PLA2G4C: variants seen among roughly 807,000 people sequenced by gnomAD.
The protein encoded by PLA2G4C is phospholipase A2 group IVC.
Under a neutral mutation model 73.8 loss-of-function variants are expected in PLA2G4C, and 64 were observed. The ratio of observed to expected loss-of-function variants is 0.87; its 90% CI spans 0.71 to 1.07. The LOEUF is 1.07. Among genes scored for constraint, PLA2G4C ranks in the 50% least tolerant of loss-of-function variants. The pLI is 0.00. For missense variants in PLA2G4C, 622 were observed against 665.4 expected (o/e 0.93, Z 0.72); for synonymous variants, 254 against 252.1 (o/e 1.01, Z -0.07).
At chr19:48,068,327 T>TCG (rs141831935) in intron 12 of PLA2G4C, among the ~76,000 whole-genome samples, 3 of 99,402 alleles carry the variant, frequency 3.0e-5, no homozygotes, top group African/African-American at 1.2e-4. Flanking sequence ...AAAAAAAAAG[T>TCG]GGGGGGGTCA....
At chr19:48,083,487 G>T in intron 10 of PLA2G4C, among the ~76,000 whole-genome samples, 3 of 99,690 alleles carry the variant, frequency 3.0e-5, no homozygotes, top group South Asian at 3.3e-4. Flanking sequence ...CACTCTTGTT[G>T]CCCAGGCTGG....
chr19:48,074,712 G>A (rs367721101), intron 12 of PLA2G4C, 55 bp downstream of exon 12: 45 of 1,191,822 alleles, frequency 3.8e-5, no homozygotes, highest in East Asian at 3.7e-4. Context: ...GCAAGAGGGG[G>A]GAGAAGGTTG....
chr19:48,078,490 C>G (rs2030318008), intron 10 of PLA2G4C, among the ~76,000 whole-genome samples: 1 of 152,106 alleles, frequency 6.6e-6, no homozygotes, highest in African/African-American at 2.4e-5. Context: ...CCAAAAAGCT[C>G]CTAGGTCTGA....
At chr19:48,079,348 G>C (rs1398914823) in intron 10 of PLA2G4C, among the ~76,000 whole-genome samples, 1 of 152,132 alleles carries the variant, frequency 6.6e-6, no homozygotes, top group Non-Finnish European at 1.5e-5. Context: ...ACAGAATAGA[G>C]AGCCCAGAAA....
chr19:48,095,362 C>A (rs1568447721), intron 7 of PLA2G4C, 102 bp downstream of exon 7: 2 of 1,105,150 alleles, frequency 1.8e-6, no homozygotes, highest in Admixed American at 2.1e-5. Flanking sequence ...TTCTTTCCCC[C>A]AAGAAATTTA....
intron 2 of PLA2G4C, 67 bp from the exon 3 acceptor site, chr19:48,105,511 G>T: frequency 7.9e-7 from 1 of 1,272,624 alleles, no homozygotes; most frequent in Non-Finnish European, 1.1e-6. Context: ...CACAGAATTT[G>T]ACCTAGAACT....
At chr19:48,052,763 T>C (rs1967773560) in intron 16 of PLA2G4C, among the ~76,000 whole-genome samples, 1 of 152,144 alleles carries the variant, frequency 6.6e-6, no homozygotes, top group Non-Finnish European at 1.5e-5. Flanking sequence ...CAGCTAGTGG[T>C]ATTTTGTTAC....
intron 13 of PLA2G4C, among the ~76,000 whole-genome samples, chr19:48,065,968 C>G (rs1401287689): frequency 6.6e-6 from 1 of 152,016 alleles, no homozygotes; most frequent in East Asian, 1.9e-4. Context: ...TGGCGCATGC[C>G]TGTAATCCCA....
At position 48,110,492 on chromosome 19, in the gene PLA2G4C, C is replaced by T. The variant is rs1412390549; in HGVS notation, c.-38G>A. 19 of 1,470,674 alleles carry T rather than the reference C, an allele frequency of 1.3e-5. No homozygotes were observed. The highest frequency in any genetic ancestry group is 1.6e-5 in the Non-Finnish European group (18 of 1,126,960). 91.1% of individuals were successfully genotyped at this position (1,470,674 alleles called of 1,614,324 possible). A position where few individuals can be genotyped will look rare whatever the true frequency, so the allele number is the denominator to read the frequency against. Reference sequence around the variant, plus strand: ...TCCCTGCCCCCACGGCTTGCCTGAGCCTGGGTCTGGGGCGTGTGCGCATGC... The same window carrying T: ...TCCCTGCCCCCACGGCTTGCCTGAGTCTGGGTCTGGGGCGTGTGCGCATGC... On this transcript the variant is annotated 5_prime_UTR_variant, in exon 1 of 17. Coordinates refer to ENST00000599921, the MANE Select transcript of PLA2G4C (RefSeq NM_003706.3).
At position 48,104,853 on chromosome 19, in the gene PLA2G4C, C is replaced by A; in HGVS notation, c.121-129G>T. 3.7e-6 allele frequency: 3 copies of A among 817,126 alleles called. No homozygotes were observed. In the South Asian group the frequency reaches 5.3e-5, roughly 14 times the overall value. 50.6% of individuals were successfully genotyped at this position (817,126 alleles called of 1,614,324 possible). On this transcript the variant is annotated intron_variant, in intron 3 of 16. Coordinates refer to ENST00000599921, the MANE Select transcript of PLA2G4C (RefSeq NM_003706.3). ...ATCCCAGCACATTGGGAGGCCGAGG[C>A]AGGTGGATCACTTGAGGTCAGGAGT...
chr19:48,077,823 G>A lies in PLA2G4C; in HGVS notation c.846C>T (p.Ala282=). 8.1e-6 allele frequency: 13 copies of A among 1,605,412 alleles called. No homozygotes were observed. The highest frequency in any genetic ancestry group is 1.1e-5 in the Non-Finnish European group (13 of 1,176,182). ...NAKSIGHLIF[A]RLLRLQESSQ... Reference sequence around the variant, plus strand: ...AACTTTCTTGCAGCCTCAGTAATCGGGCTGCAAAAGAGCAGAGGCAGGGGG... The same window carrying A: ...AACTTTCTTGCAGCCTCAGTAATCGAGCTGCAAAAGAGCAGAGGCAGGGGG... The change falls in exon 11 of 17, where the codon GCC becomes GCT. Residue 282 remains alanine, a splice_region_variant and synonymous_variant. Coordinates refer to ENST00000599921, the MANE Select transcript of PLA2G4C (RefSeq NM_003706.3).
At position 48,095,497 on chromosome 19, in the gene PLA2G4C, T is replaced by A. The variant is rs11564541; in HGVS notation, c.676A>T (p.Thr226Ser). 6.3e-5 allele frequency: 101 copies of A among 1,613,824 alleles called. No individual in the cohort carries two copies. The highest frequency in any genetic ancestry group is 8.1e-5 in the Non-Finnish European group (95 of 1,179,994). Residue 226 changes from threonine to serine, a missense_variant, in exon 7 of 17, where the codon ACT becomes TCT. Transcript: ENST00000599921. ...SKFKKGRLVR[T>S]HPERDLTFLR... is the part of the protein sequence containing the mutation. Reference sequence around the variant, plus strand: ...AAAGTCAGGTCTCTCTCAGGGTGAGTTCTGACCAGTCTTCCCTTCTTGAAT... The same window carrying A: ...AAAGTCAGGTCTCTCTCAGGGTGAGATCTGACCAGTCTTCCCTTCTTGAAT...
intron 9 of PLA2G4C, among the ~76,000 whole-genome samples, chr19:48,088,055 A>G (rs7256160): frequency 0.051 from 7,826 of 152,168 alleles, 299 homozygotes; most frequent in African/African-American, 0.098. Context: ...TTTGGCCACA[A>G]TCACTTCCTA....
intron 16 of PLA2G4C, among the ~76,000 whole-genome samples, 156 bp from the exon 17 acceptor site, chr19:48,048,544 CCA>C (rs1967606371): frequency 6.6e-6 from 1 of 152,180 alleles, no homozygotes; most frequent in Non-Finnish European, 1.5e-5. Context: ...ACCTGGAGCT[CCA>C]CCACCTCCTC....
At position 48,105,345 on chromosome 19, in the gene PLA2G4C, A is replaced by C. The variant is rs773027596; in HGVS notation, c.108T>G (p.Ile36Met). Residue 36 changes from isoleucine to methionine, a missense_variant, in exon 3 of 17, where the codon ATT becomes ATG. Coordinates refer to ENST00000599921, the MANE Select transcript of PLA2G4C (RefSeq NM_003706.3). The part of the protein sequence containing the change: ...HVLKALKKLR[I>M]EADEAPVVAV... ...TCCCCTCACTTACCTCATCAGCCTC[A>C]ATCCTTAGCTTCTTCAGAGCTTTCA... 4 of 1,612,050 alleles carry C rather than the reference A, an allele frequency of 2.5e-6. No homozygotes were observed. Among genetic ancestry groups the C allele is most frequent in the Non-Finnish European group, 3.4e-6 (4 of 1,178,904 alleles).
At position 48,105,940 on chromosome 19, in the gene PLA2G4C, TCCC is replaced by T. The variant is rs2032200676; in HGVS notation, c.9-499_9-497del. ...CTCCCTCCCTCCCTCCCTCCCTCCCTCCCTCCCTTCTTTCTTTCTTTCTTTCTT... is the reference window on the plus strand; with the variant it reads ...CTCCCTCCCTCCCTCCCTCCCTCCCTTCCCTTCTTTCTTTCTTTCTTTCTT... On this transcript the variant is annotated intron_variant, in intron 2 of 16. Transcript: ENST00000599921. Among the ~76,000 whole-genome samples, 20 of 32,270 alleles carry T rather than the reference TCCC, an allele frequency of 6.2e-4. 3 individuals are homozygous for T. The highest frequency in any genetic ancestry group is 1.5e-3 in the African/African-American group (7 of 4,530). 21.2% of individuals were successfully genotyped at this position (32,270 alleles called of 152,430 possible).
At chr19:48,061,868 T>G in intron 14 of PLA2G4C, 130 bp downstream of exon 14, 1 of 899,720 alleles carries the variant, frequency 1.1e-6, no homozygotes, top group Admixed American at 2.0e-5. Context: ...TTGATTTGGC[T>G]CTCTGGACTT....
At chr19:48,100,337 T>C (rs2031830603) in intron 4 of PLA2G4C, among the ~76,000 whole-genome samples, 1 of 151,818 alleles carries the variant, frequency 6.6e-6, no homozygotes, top group African/African-American at 2.4e-5. Flanking sequence ...GCCAACATGG[T>C]GAAACCCCGT....
At chr19:48,059,599 C>T (rs1968090603) in intron 14 of PLA2G4C, among the ~76,000 whole-genome samples, 1 of 152,054 alleles carries the variant, frequency 6.6e-6, no homozygotes, top group Non-Finnish European at 1.5e-5. Context: ...AGCTGGCTTG[C>T]TGGGTCCTCT....
Sources: allele counts gnomAD v4.1 joint callset (sites outside exome capture counted in the v4.1 genomes callset), GRCh38; gene constraint gnomAD v4.1.1; transcripts MANE v1.5; gene names NCBI Gene and HGNC (gene_info 2026-07-23, HGNC 2026-07-21).